PABPC3: variants seen among roughly 807,000 people sequenced by gnomAD.
PABPC3 encodes the protein polyadenylate-binding protein 3.
In PABPC3, 43 loss-of-function variants were observed where a neutral mutation model predicts 43.0. The ratio of observed to expected loss-of-function variants is 1.00; its 90% CI spans 0.78 to 1.29. The LOEUF is 1.29. PABPC3 is among the 50% of genes most tolerant of loss of function. PABPC3 has a pLI of 0.00. For synonymous variants in PABPC3, 221 were observed against 274.6 expected (o/e 0.80, Z 1.93); for missense variants, 784 against 798.1 (o/e 0.98, Z 0.21).
chr13:25,096,238 T>C lies in PABPC3; in HGVS notation c.40T>C (p.Tyr14His). The change falls in exon 1 of 1, where the codon TAC becomes CAC. Residue 14 changes from tyrosine to histidine, a missense_variant. Physicochemically the swap from Tyr to His is moderately conservative, Grantham distance 83. Coordinates refer to ENST00000281589, the MANE Select transcript of PABPC3 (RefSeq NM_030979.3). ...CCCCAGCTACCCAACGGCCTCGCTC[T>C]ACGTGGGGGACCTCCACCCCGACGT... ...STPSYPTASL[Y>H]VGDLHPDVTE... 6.2e-7 allele frequency: 1 copy of C among 1,614,230 alleles called. No homozygotes were observed. Among genetic ancestry groups the C allele is most frequent in the Non-Finnish European group, 8.5e-7 (1 of 1,180,030 alleles).
rs528492318 is a variant in PABPC3, at chr13:25,097,531, C to T, written c.1333C>T (p.Pro445Ser). Residue 445 changes from proline (P) to serine (S), a missense_variant, in exon 1 of 1, where the codon CCC becomes TCC. Physicochemically the swap from Pro to Ser is moderately conservative, Grantham distance 74. Coordinates refer to ENST00000281589, the MANE Select transcript of PABPC3 (RefSeq NM_030979.3). Reference sequence around the variant, plus strand: ...CAGACCTCATCCATTCCAAAATAAGCCCAGTGCTATCCGCCCAGGTGCTCC... The same window carrying T: ...CAGACCTCATCCATTCCAAAATAAGTCCAGTGCTATCCGCCCAGGTGCTCC... ...GARPHPFQNK[P>S]SAIRPGAPRV... is the part of the protein sequence containing the mutation. 1 of 1,614,238 alleles carries T rather than the reference C, an allele frequency of 6.2e-7. No individual in the cohort carries two copies. The highest frequency in any genetic ancestry group is 2.2e-5 in the East Asian group (1 of 44,890).
rs1565996764 is a variant in PABPC3, at chr13:25,097,672, G to C, written c.1474G>C (p.Ala492Pro). The change falls in exon 1 of 1, where the codon GCT becomes CCT. Residue 492 changes from alanine (A) to proline (P), a missense_variant. By Grantham distance (27) the Ala-to-Pro change is conservative. Transcript: ENST00000281589. ...AGTGGGTCCACGTCCTGCAGCTGCTGCTGCTGCTGCAGCTACCCCTGCTGT... is the reference window on the plus strand; with the variant it reads ...AGTGGGTCCACGTCCTGCAGCTGCTCCTGCTGCTGCAGCTACCCCTGCTGT... ...QTVGPRPAAA[A>P]AAAATPAVRT... 6.2e-7 allele frequency: 1 copy of C among 1,614,076 alleles called. No individual in the cohort carries two copies. Among genetic ancestry groups the C allele is most frequent in the Non-Finnish European group, 8.5e-7 (1 of 1,180,014 alleles).
rs1263401080 is a variant in PABPC3 at position 25,097,765 on chromosome 13, C to T, written c.1567C>T (p.Pro523Ser). The T allele has an allele frequency of 6.2e-7, 1 of 1,614,128 alleles. No homozygotes were observed. Among genetic ancestry groups the T allele is most frequent in the African/African-American group, 1.3e-5 (1 of 75,028 alleles). ...RNPQQHRNAQ[P>S]QVTMQQLAVH... ...TCCTCAGCAACATCGTAATGCACAGCCACAAGTTACAATGCAACAGCTTGC... is the reference window on the plus strand; with the variant it reads ...TCCTCAGCAACATCGTAATGCACAGTCACAAGTTACAATGCAACAGCTTGC... Residue 523 changes from proline to serine, a missense_variant, in exon 1 of 1, where the codon CCA (proline) becomes TCA (serine). Physicochemically the swap from Pro to Ser is moderately conservative, Grantham distance 74 (BLOSUM62 -1). Coordinates refer to ENST00000281589, the MANE Select transcript of PABPC3 (RefSeq NM_030979.3).
In PABPC3 at chr13:25,097,461, A is replaced by G. The variant is rs1449042812; in HGVS notation, c.1263A>G (p.Gln421=). 1 of 1,614,212 alleles carries G rather than the reference A, an allele frequency of 6.2e-7. No individual in the cohort carries two copies. Among genetic ancestry groups the G allele is most frequent in the Non-Finnish European group, 8.5e-7 (1 of 1,180,044 alleles). Residue 421 remains glutamine, a synonymous_variant, in exon 1 of 1, where the codon CAA becomes CAG. Transcript: ENST00000281589. The part of the protein sequence containing the change: ...QNHAAYYPPS[Q]IARLRPSPRW... ...ATGCTGCATACTATCCTCCTAGCCA[A>G]ATTGCTCGACTAAGACCAAGTCCTC...
rs754176234 is a variant in PABPC3, at chr13:25,097,189, C to T, written c.991C>T (p.Arg331Cys). 8 of 1,614,074 alleles carry T rather than the reference C, an allele frequency of 5.0e-6. No individual in the cohort carries two copies. Among genetic ancestry groups the T allele is most frequent in the Middle Eastern group, 1.6e-4 (1 of 6,084 alleles). Reference protein sequence around the residue: ...TSAKVMMEGGRSKGFGFVCFS... With the variant: ...TSAKVMMEGGCSKGFGFVCFS... ...TGCAAAGGTTATGATGGAAGGTGGTCGCAGCAAAGGGTTTGGTTTTGTATG... is the reference window on the plus strand; with the variant it reads ...TGCAAAGGTTATGATGGAAGGTGGTTGCAGCAAAGGGTTTGGTTTTGTATG... Residue 331 changes from arginine (R) to cysteine (C), a missense_variant, in exon 1 of 1, where the codon CGC (arginine) becomes TGC (cysteine). Physicochemically the swap from Arg to Cys is radical, Grantham distance 180. Coordinates refer to ENST00000281589, the MANE Select transcript of PABPC3 (RefSeq NM_030979.3).
Position 25,097,711 on chromosome 13 carries a change from C to A in PABPC3, c.1513C>A (p.Arg505=), listed in dbSNP as rs760647633. 1.1e-5 allele frequency: 17 copies of A among 1,613,190 alleles called. No individual in the cohort carries two copies. In the East Asian group the frequency reaches 1.3e-4, roughly 13 times the overall value. Residue 505 remains arginine (R), a synonymous_variant, in exon 1 of 1, where the codon CGG becomes AGG. Coordinates refer to ENST00000281589, the MANE Select transcript of PABPC3 (RefSeq NM_030979.3). Reference sequence around the variant, plus strand: ...TACCCCTGCTGTGCGCACGGTTCCACGGTATAAATATGCTGCGGGAGTTCG... The same window carrying A: ...TACCCCTGCTGTGCGCACGGTTCCAAGGTATAAATATGCTGCGGGAGTTCG... ...AATPAVRTVP[R]YKYAAGVRNP...
rs796930309 is a variant in PABPC3 at position 25,097,988 on chromosome 13, C to T, written c.1790C>T (p.Ser597Leu). Reference sequence around the variant, plus strand: ...CTTTATATGCTCGAGTCTCCAGAGTCACTCCGTTCTAAGGTTGATGAAGCT... The same window carrying T: ...CTTTATATGCTCGAGTCTCCAGAGTTACTCCGTTCTAAGGTTGATGAAGCT... ...ELLYMLESPE[S>L]LRSKVDEAVA... The change falls in exon 1 of 1, where the codon TCA (serine) becomes TTA (leucine). Residue 597 changes from serine to leucine, a missense_variant. Transcript: ENST00000281589. 940 of 1,415,470 alleles carry T rather than the reference C, an allele frequency of 6.6e-4. No individual in the cohort carries two copies. The highest frequency in any genetic ancestry group is 4.9e-3 in the African/African-American group (229 of 46,524). 87.7% of individuals were successfully genotyped at this position (1,415,470 alleles called of 1,614,324 possible).
In PABPC3 at chr13:25,097,487, G is replaced by C. The variant is rs150466188; in HGVS notation, c.1289G>C (p.Arg430Pro). The change falls in exon 1 of 1, where the codon CGC becomes CCC. Residue 430 changes from arginine to proline, a missense_variant. Transcript: ENST00000281589. ...SQIARLRPSP[R>P]WTAQGARPHP... ...ATTGCTCGACTAAGACCAAGTCCTC[G>C]CTGGACTGCTCAGGGTGCCAGACCT... 6.2e-7 allele frequency: 1 copy of C among 1,614,208 alleles called. No individual in the cohort carries two copies. Among genetic ancestry groups the C allele is most frequent in the Non-Finnish European group, 8.5e-7 (1 of 1,180,038 alleles).
chr13:25,096,862 G>A lies in PABPC3; in HGVS notation c.664G>A (p.Val222Ile), dbSNP rs372920602. The A allele has an allele frequency of 6.2e-6, 10 of 1,614,172 alleles. No individual in the cohort carries two copies. Among genetic ancestry groups the A allele is most frequent in the Non-Finnish European group, 8.5e-6 (10 of 1,180,052 alleles). Residue 222 changes from valine (V) to isoleucine (I), a missense_variant, in exon 1 of 1, where the codon GTA (valine) becomes ATA (isoleucine). Val to Ile is a conservative substitution (Grantham distance 29). Coordinates refer to ENST00000281589, the MANE Select transcript of PABPC3 (RefSeq NM_030979.3). ...GKFGPALSVK[V>I]MTDESGKSKG... ...GTTCGGGCCCGCCTTAAGTGTGAAA[G>A]TAATGACCGATGAAAGTGGAAAATC...
Position 25,098,128 on chromosome 13 carries a change from T to C in PABPC3, c.*34T>C. 1 of 1,566,902 alleles carries C rather than the reference T, an allele frequency of 6.4e-7. No homozygotes were observed. The highest frequency in any genetic ancestry group is 1.4e-5 in the African/African-American group (1 of 73,594). The stretch of plus-strand genomic sequence containing the variant: ...AGAGACCACGAAAAGAAATTTGTGC[T>C]TCACCGAAGAAAAATATCTAAACAT... On this transcript the variant is annotated 3_prime_UTR_variant, in exon 1 of 1. Coordinates refer to ENST00000281589, the MANE Select transcript of PABPC3 (RefSeq NM_030979.3).
chr13:25,098,757 T>C lies in PABPC3; in HGVS notation c.*663T>C, dbSNP rs9581259. ...ATAGTAATTATAAATTCAGTAACAT[T>C]TGTTCAAAATTGTAAGACAATTATT... On this transcript the variant is annotated 3_prime_UTR_variant, in exon 1 of 1. Coordinates refer to ENST00000281589, the MANE Select transcript of PABPC3 (RefSeq NM_030979.3). The C allele has an allele frequency of 6.0e-6, 1 of 166,260 alleles. No homozygotes were observed. The highest frequency in any genetic ancestry group is 1.9e-4 in the East Asian group (1 of 5,204). 10.3% of individuals were successfully genotyped at this position (166,260 alleles called of 1,614,324 possible). A position where few individuals can be genotyped will look rare whatever the true frequency, so the allele number is the denominator to read the frequency against.
rs763718696 is a variant in PABPC3, at chr13:25,097,083, T to C, written c.885T>C (p.Asn295=). The change falls in exon 1 of 1, where the codon AAT becomes AAC. Residue 295 remains asparagine, a synonymous_variant. Coordinates refer to ENST00000281589, the MANE Select transcript of PABPC3 (RefSeq NM_030979.3). Reference sequence around the variant, plus strand: ...GGATCACCAGATACCAGGTTGTTAATCTTTATGTGAAAAATCTTGATGATG... The same window carrying C: ...GGATCACCAGATACCAGGTTGTTAACCTTTATGTGAAAAATCTTGATGATG... ...QDRITRYQVV[N]LYVKNLDDGI... is the part of the protein sequence containing the mutation. The C allele has an allele frequency of 1.5e-5, 25 of 1,614,192 alleles. No individual in the cohort carries two copies. Among genetic ancestry groups the C allele is most frequent in the Admixed American group, 8.3e-5 (5 of 60,012 alleles).
Position 25,096,219 on chromosome 13 carries a change from C to G in PABPC3, c.21C>G (p.Ser7Arg), listed in dbSNP as rs533997128. ...CGAGAATGAACCCCAGCACCCCCAG[C>G]TACCCAACGGCCTCGCTCTACGTGG... MNPSTP[S>R]YPTASLYVGD... Residue 7 changes from serine to arginine, a missense_variant, in exon 1 of 1, where the codon AGC (serine) becomes AGG (arginine). Coordinates refer to ENST00000281589, the MANE Select transcript of PABPC3 (RefSeq NM_030979.3). 1 of 1,613,412 alleles carries G rather than the reference C, an allele frequency of 6.2e-7. No homozygotes were observed. Among genetic ancestry groups the G allele is most frequent in the Non-Finnish European group, 8.5e-7 (1 of 1,179,434 alleles).
At position 25,096,425 on chromosome 13, in the gene PABPC3, T is replaced by G. The variant is rs572272072; in HGVS notation, c.227T>G (p.Val76Gly). The G allele has an allele frequency of 4.9e-4, 792 of 1,614,186 alleles. 10 individuals are homozygous for G. In the South Asian group the frequency reaches 8.1e-3, roughly 16 times the overall value. ...GCTCTGGACACCATGAATTTTGATG[T>G]TATAAAGGGCAAGCCAGTACGCATC... is the stretch of plus-strand genomic sequence containing the variant. ...EHALDTMNFD[V>G]IKGKPVRIMW... Residue 76 changes from valine to glycine, a missense_variant, in exon 1 of 1, where the codon GTT becomes GGT. Coordinates refer to ENST00000281589, the MANE Select transcript of PABPC3 (RefSeq NM_030979.3).
rs1476787963 is a variant in PABPC3 at position 25,096,611 on chromosome 13, A to C, written c.413A>C (p.Lys138Thr). The C allele has an allele frequency of 6.2e-7, 1 of 1,614,270 alleles. No individual in the cohort carries two copies. Among genetic ancestry groups the C allele is most frequent in the Non-Finnish European group, 8.5e-7 (1 of 1,180,050 alleles). The part of the protein sequence containing the change: ...CNVVCDENGS[K>T]GYGFVHFETH... ...GTGGTTTGTGATGAAAATGGTTCCA[A>C]GGGTTATGGATTTGTACACTTTGAG... is the stretch of plus-strand genomic sequence containing the variant. The change falls in exon 1 of 1, where the codon AAG becomes ACG. Residue 138 changes from lysine to threonine, a missense_variant. Lys to Thr is a moderately conservative substitution (Grantham distance 78, BLOSUM62 -1). Coordinates refer to ENST00000281589, the MANE Select transcript of PABPC3 (RefSeq NM_030979.3).
chr13:25,096,343 A>G lies in PABPC3; in HGVS notation c.145A>G (p.Ser49Gly). Residue 49 changes from serine (S) to glycine (G), a missense_variant, in exon 1 of 1, where the codon AGC (serine) becomes GGC (glycine). By Grantham distance (56) the Ser-to-Gly change is moderately conservative. Transcript: ENST00000281589. ...SIRICRDLITSGSSNYAYVNF... is the reference protein window; with the variant it reads ...SIRICRDLITGGSSNYAYVNF... ...CCGGATCTGCAGGGACTTGATCACCAGCGGCTCCTCCAACTACGCGTATGT... is the reference window on the plus strand; with the variant it reads ...CCGGATCTGCAGGGACTTGATCACCGGCGGCTCCTCCAACTACGCGTATGT... 1 of 1,614,250 alleles carries G rather than the reference A, an allele frequency of 6.2e-7. No homozygotes were observed.
Position 25,097,927 on chromosome 13 carries a change from A to G in PABPC3, c.1729A>G (p.Thr577Ala), listed in dbSNP as rs1956055342. The change falls in exon 1 of 1, where the codon ACT (threonine) becomes GCT (alanine). Residue 577 changes from threonine (T) to alanine (A), a missense_variant. Thr to Ala is a moderately conservative substitution (Grantham distance 58). Coordinates refer to ENST00000281589, the MANE Select transcript of PABPC3 (RefSeq NM_030979.3). ...GCACCCTACTCTTGCTGGGAAAATCACTGGCATGTTGTTGGAGATTGATAA... is the reference window on the plus strand; with the variant it reads ...GCACCCTACTCTTGCTGGGAAAATCGCTGGCATGTTGTTGGAGATTGATAA... ...AMHPTLAGKI[T>A]GMLLEIDNSE... 2 of 1,613,820 alleles carry G rather than the reference A, an allele frequency of 1.2e-6. No homozygotes were observed. Among genetic ancestry groups the G allele is most frequent in the African/African-American group, 1.3e-5 (1 of 74,890 alleles).
rs1300253522 is a variant in PABPC3 at position 25,099,249 on chromosome 13, T to C, written c.*1155T>C. On this transcript the variant is annotated 3_prime_UTR_variant, in exon 1 of 1. Transcript: ENST00000281589. ...TTACTTTGCAATAAACTATGTATTATAGAGAGATGGTCACTATGTAATGTG... is the reference window on the plus strand; with the variant it reads ...TTACTTTGCAATAAACTATGTATTACAGAGAGATGGTCACTATGTAATGTG... The C allele has an allele frequency of 6.0e-6, 1 of 165,668 alleles. No individual in the cohort carries two copies. Among genetic ancestry groups the C allele is most frequent in the Non-Finnish European group, 1.5e-5 (1 of 67,936 alleles). The allele number at this position is 165,668 out of a possible 1,614,324, so 10.3% of individuals were successfully genotyped here. A position where few individuals can be genotyped will look rare whatever the true frequency, so the allele number is the denominator to read the frequency against.
In PABPC3 at chr13:25,098,201, A is replaced by G; in HGVS notation, c.*107A>G. The G allele has an allele frequency of 1.0e-6, 1 of 990,692 alleles. No homozygotes were observed. Among genetic ancestry groups the G allele is most frequent in the East Asian group, 2.4e-5 (1 of 41,592 alleles). The allele number at this position is 990,692 out of a possible 1,614,324, so 61.4% of individuals were successfully genotyped here. A position where few individuals can be genotyped will look rare whatever the true frequency, so the allele number is the denominator to read the frequency against. ...TTGCAAAATCTAAAATAAAAAATGC[A>G]AAATCTAAAATAAAAAATGGAAAGG... On this transcript the variant is annotated 3_prime_UTR_variant, in exon 1 of 1. Coordinates refer to ENST00000281589, the MANE Select transcript of PABPC3 (RefSeq NM_030979.3).
Sources: allele counts gnomAD v4.1 joint callset, GRCh38; gene constraint gnomAD v4.1.1; transcripts MANE v1.5; gene names NCBI Gene and HGNC (gene_info 2026-07-23, HGNC 2026-07-21).